ZNF730: variants seen among roughly 807,000 people sequenced by gnomAD.
The protein encoded by ZNF730 is zinc finger protein 730.
A neutral mutation model predicts 12.6 loss-of-function variants in ZNF730; 12 were observed. The observed-to-expected ratio is 0.95, with a 90% confidence interval of 0.61 to 1.54. The LOEUF is 1.54. Ranked by LOEUF, ZNF730 falls within the 40% of genes most tolerant of loss-of-function variation. The pLI is 0.00. For synonymous variants in ZNF730, 194 were observed against 195.8 expected, an observed-to-expected ratio of 0.99 and a Z score of 0.08; for missense variants, 643 against 583.5, an observed-to-expected ratio of 1.10 and a Z score of -1.05.
intron 1 of ZNF730, chr19:23,127,786 C>A: frequency 1.3e-6 from 1 of 777,944 alleles, no homozygotes; most frequent in Non-Finnish European, 2.3e-6. Flanking sequence ...TCGTCCAGGT[C>A]TTCCATCCTG....
chr19:23,126,960 A>G, intron 1 of ZNF730: 3 of 512,336 alleles, frequency 5.9e-6, no homozygotes, highest in Non-Finnish European at 7.8e-6. Context: ...TCATGCTTCT[A>G]TTTTTCTTGT....
chr19:23,139,234 AT>A (rs138764209), intron 3 of ZNF730, among the ~76,000 whole-genome samples: 2,024 of 151,582 alleles, frequency 0.013, 51 homozygotes, highest in African/African-American at 0.046. Context: ...CAAAAAATAT[AT>A]TTTTTTTTCT....
At position 23,138,156 on chromosome 19, in the gene ZNF730, G is replaced by A. The variant is rs1363571838; in HGVS notation, c.226+2113G>A. Among the ~76,000 whole-genome samples, 2 of 61,678 alleles carry A rather than the reference G, an allele frequency of 3.2e-5. 1 individual carries two copies. Among genetic ancestry groups the A allele is most frequent in the African/African-American group, 8.7e-5 (2 of 23,090 alleles). The allele number at this position is 61,678 out of a possible 152,430, so 40.5% of individuals were successfully genotyped here. A position where few individuals can be genotyped will look rare whatever the true frequency, so the allele number is the denominator to read the frequency against. On this transcript the variant is annotated intron_variant, in intron 3 of 3. Transcript: ENST00000597761. The stretch of plus-strand genomic sequence containing the variant: ...AAATTAGCCGGGCGTGGTGGCGGGC[G>A]CCTGTAGTCCCAGCTACTTGGGAGG...
At chr19:23,079,130 T>G (rs571593186) in intron 1 of ZNF730, among the ~76,000 whole-genome samples, 2 of 152,070 alleles carry the variant, frequency 1.3e-5, no homozygotes, top group African/African-American at 4.8e-5. Flanking sequence ...TTAATCAATG[T>G]TGTCCCTGCT....
In ZNF730 at chr19:23,134,090, C is replaced by A. The variant is rs1358128011; in HGVS notation, c.14C>A (p.Thr5Lys). 1.2e-6 allele frequency: 2 copies of A among 1,613,252 alleles called. No individual in the cohort carries two copies. Among genetic ancestry groups the A allele is most frequent in the Admixed American group, 1.7e-5 (1 of 59,948 alleles). Reference sequence around the variant, plus strand: ...GTTTGTGTTTTTCAGGGAGCGTTGACATTTAGAGATGTGGCCATAGAATTC... The same window carrying A: ...GTTTGTGTTTTTCAGGGAGCGTTGAAATTTAGAGATGTGGCCATAGAATTC... MGAL[T>K]FRDVAIEFSL... Residue 5 changes from threonine (T) to lysine (K), a missense_variant, in exon 2 of 4, where the codon ACA becomes AAA. By Grantham distance (78) the Thr-to-Lys change is moderately conservative. Coordinates refer to ENST00000597761, the MANE Select transcript of ZNF730 (RefSeq NM_001277403.2).
In ZNF730 at chr19:23,117,039, C is replaced by G; in HGVS notation, c.-135C>G. 7.8e-7 allele frequency: 1 copy of G among 1,281,446 alleles called. No individual in the cohort carries two copies. 79.4% of individuals were successfully genotyped at this position (1,281,446 alleles called of 1,614,324 possible). A position where few individuals can be genotyped will look rare whatever the true frequency, so the allele number is the denominator to read the frequency against. The stretch of plus-strand genomic sequence containing the variant: ...GATTTGGCGCGGCCTTTGTTTCTCG[C>G]TGCCGCCGAAGCTCCAATTTTCGTC... On this transcript the variant is annotated 5_prime_UTR_variant, in exon 1 of 4. Coordinates refer to ENST00000597761, the MANE Select transcript of ZNF730 (RefSeq NM_001277403.2).
intron 1 of ZNF730, among the ~76,000 whole-genome samples, chr19:23,105,412 C>G (rs1457067894): frequency 6.6e-6 from 1 of 152,036 alleles, no homozygotes; most frequent in Non-Finnish European, 1.5e-5. Flanking sequence ...CATGCCTGGC[C>G]AGAACCCAAT....
chr19:23,117,687 C>T (rs1475590936), intron 1 of ZNF730, among the ~76,000 whole-genome samples: 1 of 152,188 alleles, frequency 6.6e-6, no homozygotes, highest in African/African-American at 2.4e-5. Context: ...GAAGGAAAGA[C>T]TTTCATAAGA....
At chr19:23,116,005 ATGT>A (rs2145587812), upstream of ZNF730, among the ~76,000 whole-genome samples, 2 of 152,344 alleles carry the variant, frequency 1.3e-5, 1 homozygote, top group East Asian at 3.9e-4. Context: ...TTGTAAGATA[ATGT>A]TGAGTAACGC....
chr19:23,089,920 A>C (rs1970127890), intron 1 of ZNF730, among the ~76,000 whole-genome samples: 1 of 152,170 alleles, frequency 6.6e-6, no homozygotes, highest in Non-Finnish European at 1.5e-5. Flanking sequence ...AATGGCTTTG[A>C]AAAAAATGCT....
In ZNF730 at chr19:23,104,107, A is replaced by G. The variant is rs999595798; in HGVS notation, c.-94+28720A>G. Among the ~76,000 whole-genome samples, 14 of 152,162 alleles carry G rather than the reference A, an allele frequency of 9.2e-5. No homozygotes were observed. The South Asian group carries it at 2.3e-3, about 25-fold the overall frequency. On this transcript the variant is annotated intron_variant, in intron 1 of 2. Transcript: ENST00000593635. The stretch of plus-strand genomic sequence containing the variant: ...AGGTGGATCACGAGTTCAGATCGAG[A>G]CCATCCTGGCTAACACGGTGAAACC...
intron 1 of ZNF730, chr19:23,127,778 G>A (rs577305777): frequency 1.4e-4 from 114 of 813,306 alleles, no homozygotes; most frequent in Non-Finnish European, 2.0e-4. Context: ...TAGGGCCATC[G>A]TCCAGGTCTT....
intron 1 of ZNF730, among the ~76,000 whole-genome samples, chr19:23,132,877 G>A (rs1192123070): frequency 3.9e-5 from 6 of 152,180 alleles, no homozygotes. Context: ...ATAGAACATG[G>A]GAAATATCTG....
chr19:23,106,196 AAAGG>A (rs1970390720), intron 1 of ZNF730, among the ~76,000 whole-genome samples: 1 of 151,880 alleles, frequency 6.6e-6, no homozygotes, highest in Non-Finnish European at 1.5e-5. Context: ...GAGGAGGAGA[AAAGG>A]AAGGGGAAGA....
chr19:23,078,847 C>T (rs1308953426), intron 1 of ZNF730, among the ~76,000 whole-genome samples: 1 of 152,100 alleles, frequency 6.6e-6, no homozygotes, highest in Admixed American at 6.5e-5. Flanking sequence ...CTCTTGTGCC[C>T]AGACTGGAGT....
intron 1 of ZNF730, among the ~76,000 whole-genome samples, chr19:23,091,000 CAAAA>C (rs145906466): frequency 8.0e-6 from 1 of 125,604 alleles, no homozygotes; most frequent in African/African-American, 3.0e-5. Flanking sequence ...GACTTCGTCT[CAAAA>C]AAAAAAAAAA....
chr19:23,112,127 A>T (rs964818439), upstream of ZNF730, among the ~76,000 whole-genome samples: 1 of 152,194 alleles, frequency 6.6e-6, no homozygotes, highest in Non-Finnish European at 1.5e-5. Flanking sequence ...AGCTGGGTTG[A>T]TAATCTCACA....
At chr19:23,125,405 G>A (rs954493239) in intron 1 of ZNF730, among the ~76,000 whole-genome samples, 102 of 152,290 alleles carry the variant, frequency 6.7e-4, no homozygotes, top group Non-Finnish European at 7.3e-5. Context: ...TTGAATGGCT[G>A]TGACCAAGAT....
Position 23,146,181 on chromosome 19 carries a change from A to G in ZNF730, c.1137A>G (p.Gln379=), listed in dbSNP as rs547502851. 1.7e-5 allele frequency: 27 copies of G among 1,608,866 alleles called. No individual in the cohort carries two copies. In the East Asian group the frequency reaches 4.9e-4, roughly 29 times the overall value. The change falls in exon 4 of 4, where the codon CAA becomes CAG. Residue 379 remains glutamine, a synonymous_variant. Coordinates refer to ENST00000597761, the MANE Select transcript of ZNF730 (RefSeq NM_001277403.2). ...AAGAATGTGGTAAAGCTTTTAACCAATCCTCAACTCTTACTATACATAAGA... is the reference window on the plus strand; with the variant it reads ...AAGAATGTGGTAAAGCTTTTAACCAGTCCTCAACTCTTACTATACATAAGA... ...KYKECGKAFN[Q]SSTLTIHKII... is the part of the protein sequence containing the mutation.
Sources: allele counts gnomAD v4.1 joint callset (sites outside exome capture counted in the v4.1 genomes callset), GRCh38; gene constraint gnomAD v4.1.1; transcripts MANE v1.5; gene names NCBI Gene and HGNC (gene_info 2026-07-23, HGNC 2026-07-21).